Variants in MACROD2 observed in about 807,000 individuals in gnomAD.
MACROD2 encodes the protein mono-ADP ribosylhydrolase 2.
In MACROD2, 36 loss-of-function variants were observed where a neutral mutation model predicts 70.4. The ratio of observed to expected loss-of-function variants is 0.51; its 90% CI spans 0.39 to 0.68. MACROD2 has a LOEUF of 0.68. Among genes scored for constraint, MACROD2 ranks in the 30% least tolerant of loss-of-function variants. The pLI, the probability that MACROD2 is intolerant of heterozygous loss-of-function variation, is 0.00. For missense variants in MACROD2, 496 were observed against 538.4 expected, an observed-to-expected ratio of 0.92 and a Z score of 0.78; for synonymous variants, 172 against 178.8, an observed-to-expected ratio of 0.96 and a Z score of 0.30.
chr20:15,076,820 C>A (rs757382102), intron 5 of MACROD2, among the ~76,000 whole-genome samples: 1 of 151,970 alleles, frequency 6.6e-6, no homozygotes, highest in African/African-American at 2.4e-5. Context: ...AACTTTCATA[C>A]GTAGAACTCC....
rs537732267 is a variant in MACROD2 at position 14,403,428 on chromosome 20, A to AT, written c.272-90043dup. 4.3e-4 allele frequency among the ~76,000 whole-genome samples: 65 copies of AT among 152,154 alleles called. 1 individual carries two copies. In the East Asian group the frequency reaches 0.012, roughly 28 times the overall value. ...TTTTAAATAAAAATCAAGGGATGGT[A>AT]TTTTTTTTAAAAAGCCCAAAGTATA... On this transcript the variant is annotated intron_variant, in intron 3 of 17. Coordinates refer to ENST00000684519, the MANE Select transcript of MACROD2 (RefSeq NM_001351661.2).
chr20:14,447,654 A>C (rs1568615909), intron 3 of MACROD2, among the ~76,000 whole-genome samples: 1 of 151,974 alleles, frequency 6.6e-6, no homozygotes, highest in African/African-American at 2.4e-5. Context: ...AAAAGCTGTC[A>C]AAAAGGGCCT....
intron 7 of MACROD2, among the ~76,000 whole-genome samples, chr20:15,472,135 T>A (rs920444515): frequency 1.3e-5 from 2 of 152,184 alleles, no homozygotes; most frequent in Admixed American, 6.5e-5. Context: ...AACAACCACA[T>A]AGGAACAGAG....
chr20:14,678,502 G>A (rs972536084), intron 4 of MACROD2, among the ~76,000 whole-genome samples: 5 of 152,076 alleles, frequency 3.3e-5, no homozygotes, highest in African/African-American at 1.2e-4. Flanking sequence ...AAGAAGCATA[G>A]ACAGTCCTAT....
chr20:14,343,137 G>T (rs2083031952), intron 3 of MACROD2, among the ~76,000 whole-genome samples: 1 of 151,784 alleles, frequency 6.6e-6, no homozygotes, highest in South Asian at 2.1e-4. Context: ...ATATGGCCAT[G>T]CAGATACAGC....
At chr20:14,501,113 T>C (rs2084910413) in intron 4 of MACROD2, among the ~76,000 whole-genome samples, 1 of 152,054 alleles carries the variant, frequency 6.6e-6, no homozygotes, top group South Asian at 2.1e-4. Context: ...ATTTATACAG[T>C]AATTATTTTT....
At chr20:15,645,487 T>C (rs1224315132) in intron 8 of MACROD2, among the ~76,000 whole-genome samples, 1 of 152,228 alleles carries the variant, frequency 6.6e-6, no homozygotes, top group Admixed American at 6.5e-5. Flanking sequence ...CAAATCCTTT[T>C]TCTCTGAAAA....
At chr20:14,429,736 A>G (rs1003469808) in intron 3 of MACROD2, among the ~76,000 whole-genome samples, 3 of 152,136 alleles carry the variant, frequency 2.0e-5, no homozygotes, top group Non-Finnish European at 2.9e-5. Context: ...CAGTTTCCAC[A>G]GGGGAATGGA....
chr20:14,907,244 T>C (rs1186168147), intron 5 of MACROD2, among the ~76,000 whole-genome samples: 1 of 152,222 alleles, frequency 6.6e-6, no homozygotes, highest in East Asian at 1.9e-4. Context: ...AAAGTAGGTA[T>C]GAATGAGTGC....
intron 5 of MACROD2, among the ~76,000 whole-genome samples, chr20:15,168,790 T>C (rs2076403835): frequency 6.6e-6 from 1 of 152,054 alleles, no homozygotes; most frequent in Non-Finnish European, 1.5e-5. Flanking sequence ...GAGACCAGCC[T>C]AGGCAACATA....
intron 5 of MACROD2, among the ~76,000 whole-genome samples, chr20:15,185,880 C>T (rs1341589541): frequency 6.6e-6 from 1 of 152,114 alleles, no homozygotes; most frequent in Non-Finnish European, 1.5e-5. Flanking sequence ...TATTCAAACT[C>T]CTGTCGGGAA....
chr20:15,621,363 C>T (rs958051825), intron 8 of MACROD2, among the ~76,000 whole-genome samples: 4 of 152,162 alleles, frequency 2.6e-5, no homozygotes, highest in African/African-American at 9.6e-5. Context: ...TTCAGCTTGA[C>T]TGGTCTCAAG....
chr20:16,009,671 C>A (rs1252733691), intron 15 of MACROD2, among the ~76,000 whole-genome samples: 1 of 152,024 alleles, frequency 6.6e-6, no homozygotes, highest in African/African-American at 2.4e-5. Flanking sequence ...GCAGGAGAAT[C>A]ACTTGAACCT....
intron 9 of MACROD2, among the ~76,000 whole-genome samples, chr20:15,883,883 C>A (rs1335045804): frequency 6.6e-6 from 1 of 152,110 alleles, no homozygotes; most frequent in Non-Finnish European, 1.5e-5. Flanking sequence ...AATTTATGAT[C>A]TGGAGACCGA....
intron 5 of MACROD2, among the ~76,000 whole-genome samples, chr20:14,827,795 C>A (rs1003929431): frequency 6.6e-6 from 1 of 151,694 alleles, no homozygotes; most frequent in African/African-American, 2.4e-5. Flanking sequence ...TTTAATTTTA[C>A]AAGCCTAATT....
chr20:14,934,786 C>T (rs1222992192), intron 5 of MACROD2: 1 of 151,656 alleles, frequency 6.6e-6, no homozygotes, highest in African/African-American at 2.4e-5. Context: ...CCTCTGTCTC[C>T]AAAAAACAAG....
intron 8 of MACROD2, among the ~76,000 whole-genome samples, chr20:15,826,194 C>T (rs2063995387): frequency 6.6e-6 from 1 of 152,322 alleles, no homozygotes; most frequent in South Asian, 2.1e-4. Flanking sequence ...TAATTACACA[C>T]ACCAACACAT....
chr20:15,545,770 A>G (rs1164609655), intron 8 of MACROD2, among the ~76,000 whole-genome samples: 1 of 152,184 alleles, frequency 6.6e-6, no homozygotes, highest in Non-Finnish European at 1.5e-5. Context: ...TTTTCAAGAA[A>G]AAATATACCT....
At chr20:15,893,738 T>C in intron 10 of MACROD2, 1 of 456,762 alleles carries the variant, frequency 2.2e-6, no homozygotes, top group African/African-American at 2.0e-5. Flanking sequence ...GCTTTGTCTT[T>C]CTTGCCTGGA....
Sources: allele counts gnomAD v4.1 joint callset (sites outside exome capture counted in the v4.1 genomes callset), GRCh38; gene constraint gnomAD v4.1.1; transcripts MANE v1.5; gene names NCBI Gene and HGNC (gene_info 2026-07-23, HGNC 2026-07-21).